The following CACNA1I variants were observed in gnomAD, a reference collection of about 807,000 sequenced individuals.
CACNA1I encodes voltage-dependent T-type calcium channel subunit alpha-1I.
CACNA1I carries 74 observed loss-of-function variants against 201.6 expected under a neutral mutation model. The ratio of observed to expected loss-of-function variants is 0.37; its 90% confidence interval spans 0.30 to 0.45. The LOEUF (loss-of-function observed/expected upper bound fraction) is 0.45, where lower values mean the gene tolerates loss of function less well. Ranked by LOEUF, CACNA1I falls within the 20% of genes least tolerant of loss-of-function variation. CACNA1I has a pLI of 1.00. For synonymous variants in CACNA1I, 1,431 were observed against 1,345.2 expected (o/e 1.06, Z -1.40); for missense variants, 2,346 against 3,138.1 (o/e 0.75, Z 6.03).
chr22:39,612,747 T>C (rs1483065075), intron 3 of CACNA1I, among the ~76,000 whole-genome samples: 1 of 152,232 alleles, frequency 6.6e-6, no homozygotes, highest in Non-Finnish European at 1.5e-5. Context: ...ACCATAGCAA[T>C]GGGTGAAATG....
Position 39,677,314 on chromosome 22 carries a change from C to T in CACNA1I, c.4855-27C>T, listed in dbSNP as rs1353015578. On this transcript the variant is annotated intron_variant, in intron 29 of 36. Transcript: ENST00000402142. This position sits in a 1 kb window ranked among gnomAD's most constrained non-coding sequence, Gnocchi z 4.8. ...TGCGCCCCCACCCGCTCCCCAGCCC[C>T]ACCCGGCCTCACCTGTCCTCCCGCA... 1.3e-6 allele frequency: 2 copies of T among 1,540,248 alleles called. No individual in the cohort carries two copies. The highest frequency in any genetic ancestry group is 1.8e-6 in the Non-Finnish European group (2 of 1,137,794).
At position 39,686,162 on chromosome 22, in the gene CACNA1I, A is replaced by C; in HGVS notation, c.6429A>C (p.Pro2143=). The C allele has an allele frequency of 8.2e-7, 1 of 1,224,934 alleles. No individual in the cohort carries two copies. The highest frequency in any genetic ancestry group is 1.0e-6 in the Non-Finnish European group (1 of 982,038). 75.9% of individuals were successfully genotyped at this position (1,224,934 alleles called of 1,614,324 possible). Residue 2143 remains proline, a synonymous_variant, in exon 37 of 37, where the codon CCA becomes CCC. Coordinates refer to ENST00000402142, the MANE Select transcript of CACNA1I (RefSeq NM_021096.4). ...TCTTCTGCCCGCCGCCCCCGCCGCC[A>C]GCCCCCGGCCTCACGCCCGCCAGGA... The part of the protein sequence containing the change: ...TSLFCPPPPP[P]APGLTPARKF...
intron 31 of CACNA1I, 138 bp from the exon 32 acceptor site, chr22:39,678,969 G>C (rs1056387903): frequency 1.5e-6 from 1 of 648,716 alleles, no homozygotes; most frequent in African/African-American, 1.9e-5. Context: ...AGGCAGAGTG[G>C]GGCAGGGCAG....
rs554901130 is a variant in CACNA1I at position 39,661,927 on chromosome 22, G to C, written c.2902-38G>C. The C allele has an allele frequency of 9.1e-5, 124 of 1,358,016 alleles. 1 individual carries two copies. In the South Asian group the frequency reaches 1.8e-3, roughly 20 times the overall value. 84.1% of individuals were successfully genotyped at this position (1,358,016 alleles called of 1,614,324 possible). A position where few individuals can be genotyped will look rare whatever the true frequency, so the allele number is the denominator to read the frequency against. ...CACCTGGTGCCCCAGCCGTGGGTGT[G>C]CCTGTGGGGCGCTGACCCGAACGGG... On this transcript the variant is annotated intron_variant, in intron 16 of 36. Coordinates refer to ENST00000402142, the MANE Select transcript of CACNA1I (RefSeq NM_021096.4).
chr22:39,682,766 A>G (rs1935744407), intron 35 of CACNA1I, 105 bp downstream of exon 35: 1 of 953,808 alleles, frequency 1.0e-6, no homozygotes, highest in Non-Finnish European at 1.5e-6. Context: ...CCAGATTATT[A>G]TATTTAGTCC....
intron 1 of CACNA1I, among the ~76,000 whole-genome samples, chr22:39,576,732 G>A (rs1932368690): frequency 6.6e-6 from 1 of 152,202 alleles, no homozygotes; most frequent in Admixed American, 6.5e-5. Context: ...CCTGTCTGTG[G>A]GATGGGGAAA....
rs957632720 is a variant in CACNA1I at position 39,594,099 on chromosome 22, C to G, written c.237-4052C>G. Among the ~76,000 whole-genome samples the G allele has an allele frequency of 6.2e-4, 95 of 152,264 alleles. 2 individuals are homozygous for G. The highest frequency in any genetic ancestry group is 3.4e-3 in the Middle Eastern group (1 of 294). ...GTACTTCACAGAGGAGAGCGCTGGC[C>G]TTGGAGTCCAGCAGGCCTGGTGTGA... On this transcript the variant is annotated intron_variant, in intron 1 of 36. Transcript: ENST00000402142.
At position 39,661,158 on chromosome 22, in the gene CACNA1I, A is replaced by C; in HGVS notation, c.2749A>C (p.Ser917Arg). The change falls in exon 16 of 37, where the codon AGT becomes CGT. Residue 917 changes from serine (S) to arginine (R), a missense_variant. Physicochemically the swap from Ser to Arg is moderately radical, Grantham distance 110 (BLOSUM62 -1). Around this residue, in one of 13 missense-constraint regions of CACNA1I, gnomAD observed 92 missense variants for 114.5 expected, o/e 0.80. Coordinates refer to ENST00000402142, the MANE Select transcript of CACNA1I (RefSeq NM_021096.4). ...PMTPNGHLDP[S>R]LPLGGHLGPA... is the part of the protein sequence containing the mutation. ...GACCCCCAATGGGCACCTGGACCCC[A>C]GTCTCCCACTGGGTGGGCACCTAGG... The C allele has an allele frequency of 6.2e-7, 1 of 1,613,134 alleles. No individual in the cohort carries two copies. The highest frequency in any genetic ancestry group is 8.5e-7 in the Non-Finnish European group (1 of 1,179,728).
chr22:39,603,982 G>T (rs1933138995), intron 3 of CACNA1I, among the ~76,000 whole-genome samples: 2 of 152,300 alleles, frequency 1.3e-5, no homozygotes, highest in Admixed American at 1.3e-4. Context: ...AGGAAATTGT[G>T]AAGCAAACAA....
chr22:39,595,220 C>G (rs1006452557), intron 1 of CACNA1I, among the ~76,000 whole-genome samples: 1 of 151,660 alleles, frequency 6.6e-6, no homozygotes, highest in African/African-American at 2.4e-5. Flanking sequence ...ACCTGGGAGA[C>G]GGAGGTTGCA....
intron 1 of CACNA1I, among the ~76,000 whole-genome samples, chr22:39,581,581 T>C (rs980511117): frequency 2.6e-5 from 4 of 152,090 alleles, no homozygotes; most frequent in African/African-American, 9.7e-5. Flanking sequence ...AGTCTCATAA[T>C]TGAAGGAGAA....
chr22:39,622,455 T>C (rs952921719), intron 4 of CACNA1I, among the ~76,000 whole-genome samples: 6 of 151,230 alleles, frequency 4.0e-5, no homozygotes, highest in African/African-American at 1.5e-4. Context: ...AGCTGGGGGT[T>C]ACAGGCTGGG....
At chr22:39,595,099 C>A (rs958441354) in intron 1 of CACNA1I, among the ~76,000 whole-genome samples, 2 of 150,810 alleles carry the variant, frequency 1.3e-5, no homozygotes, top group Non-Finnish European at 3.0e-5. Context: ...ACCATCTTGG[C>A]CAACATGGTG....
In CACNA1I at chr22:39,646,827, G is replaced by C. The variant is rs1934508110; in HGVS notation, c.1408G>C (p.Glu470Gln). 2 of 1,543,572 alleles carry C rather than the reference G, an allele frequency of 1.3e-6. No homozygotes were observed. Among genetic ancestry groups the C allele is most frequent in the Non-Finnish European group, 1.7e-6 (2 of 1,144,244 alleles). ...LQSRRQALGP[E>Q]APAPAKPGPH... ...GAGCCGGCGCCAGGCCCTGGGCCCG[G>C]AGGCCCCGGCCCCCGCCAAACCTGG... Residue 470 changes from glutamate to glutamine, a missense_variant, in exon 8 of 37, where the codon GAG (glutamate) becomes CAG (glutamine). Glu to Gln is a conservative substitution (Grantham distance 29, BLOSUM62 2). Coordinates refer to ENST00000402142, the MANE Select transcript of CACNA1I (RefSeq NM_021096.4).
chr22:39,635,855 C>T (rs1934202734), intron 5 of CACNA1I, among the ~76,000 whole-genome samples: 1 of 152,200 alleles, frequency 6.6e-6, no homozygotes, highest in Non-Finnish European at 1.5e-5. Context: ...GACACCTCCT[C>T]CTAGAGGCCT....
chr22:39,677,312 C>G lies in CACNA1I; in HGVS notation c.4855-29C>G, dbSNP rs549552912. 155 of 1,533,992 alleles carry G rather than the reference C, an allele frequency of 1.0e-4. 3 individuals are homozygous for G. The South Asian group carries it at 1.3e-3, about 13-fold the overall frequency. On this transcript the variant is annotated intron_variant, in intron 29 of 36. Transcript: ENST00000402142. The surrounding 1 kb of genome is among the most constrained non-coding windows in gnomAD (Gnocchi z 4.8). ...GGTGCGCCCCCACCCGCTCCCCAGCCCCACCCGGCCTCACCTGTCCTCCCG... is the reference window on the plus strand; with the variant it reads ...GGTGCGCCCCCACCCGCTCCCCAGCGCCACCCGGCCTCACCTGTCCTCCCG...
At chr22:39,612,462 A>T in intron 3 of CACNA1I, among the ~76,000 whole-genome samples, 1 of 152,176 alleles carries the variant, frequency 6.6e-6, no homozygotes, top group East Asian at 1.9e-4. Context: ...TAGTTCTCAC[A>T]GTTCTGGAGG....
At chr22:39,580,790 T>A (rs1008206785) in intron 1 of CACNA1I, among the ~76,000 whole-genome samples, 2 of 152,180 alleles carry the variant, frequency 1.3e-5, no homozygotes, top group Non-Finnish European at 2.9e-5. Context: ...GACTGGAGGA[T>A]GCTTGAGGGA....
chr22:39,639,074 C>T (rs985830984), intron 5 of CACNA1I, among the ~76,000 whole-genome samples: 1 of 152,228 alleles, frequency 6.6e-6, no homozygotes, highest in Non-Finnish European at 1.5e-5. Flanking sequence ...GTTGCGAATA[C>T]TTAATCCCAT....
Sources: allele counts gnomAD v4.1 joint callset (sites outside exome capture counted in the v4.1 genomes callset), GRCh38; gene constraint gnomAD v4.1.1; regional missense constraint gnomAD v4.1.1; non-coding constraint Gnocchi (gnomAD v3.1); transcripts MANE v1.5; gene names NCBI Gene and HGNC (gene_info 2026-07-23, HGNC 2026-07-21).